The following CFAP221 variants were observed in gnomAD, a reference collection of about 807,000 sequenced individuals.
CFAP221 encodes the protein cilia- and flagella-associated protein 221.
CFAP221 carries 97 observed loss-of-function variants against 113.1 expected under a neutral mutation model. The observed-to-expected ratio is 0.86, with a 90% CI of 0.73 to 1.02. CFAP221 has a LOEUF of 1.02. Among genes scored for constraint, CFAP221 ranks in the 50% least tolerant of loss-of-function variants. The probability of loss-of-function intolerance (pLI) is 0.00; values close to 1 mark genes in which losing one functional copy is unlikely to be tolerated. For synonymous variants in CFAP221, 331 were observed against 354.4 expected (o/e 0.93, Z 0.74); for missense variants, 1,025 against 1,013.4 (o/e 1.01, Z -0.16).
chr2:119,601,177 A>G, intron 7 of CFAP221, 41 bp from the exon 8 acceptor site: 2 of 1,463,548 alleles, frequency 1.4e-6, no homozygotes, highest in South Asian at 2.8e-5. Flanking sequence ...GGACTTGGCA[A>G]GAAGAGAGGG....
At chr2:119,608,853 T>C (rs34210676) in intron 12 of CFAP221, among the ~76,000 whole-genome samples, 3,889 of 152,274 alleles carry the variant, frequency 0.026, 75 homozygotes, top group Non-Finnish European at 0.037. Flanking sequence ...TATAATTTTT[T>C]GAAAAGTAGC....
chr2:119,604,327 G>A (rs1436672230), intron 8 of CFAP221, among the ~76,000 whole-genome samples: 8 of 152,026 alleles, frequency 5.3e-5, no homozygotes, highest in South Asian at 4.1e-4. Flanking sequence ...CCAGGTATGC[G>A]GGAGGCTGAG....
intron 20 of CFAP221, among the ~76,000 whole-genome samples, chr2:119,639,123 A>C (rs1224617254): frequency 6.6e-6 from 1 of 152,142 alleles, no homozygotes; most frequent in Non-Finnish European, 1.5e-5. Context: ...ACTGATGTGC[A>C]GACCTCCCTC....
intron 12 of CFAP221, among the ~76,000 whole-genome samples, chr2:119,609,986 A>G (rs948775317): frequency 6.6e-6 from 1 of 152,218 alleles, no homozygotes; most frequent in Non-Finnish European, 1.5e-5. Flanking sequence ...CACATATTAG[A>G]TGTGCATTTA....
chr2:119,611,561 C>T, intron 12 of CFAP221, 92 bp from the exon 13 acceptor site: 1 of 1,114,980 alleles, frequency 9.0e-7, no homozygotes, highest in Admixed American at 2.3e-5. Flanking sequence ...GTGGATTTGG[C>T]CAATTGCTTA....
rs1171012383 is a variant in CFAP221, at chr2:119,560,018, C to T, written c.418C>T (p.His140Tyr). 1 of 1,381,042 alleles carries T rather than the reference C, an allele frequency of 7.2e-7. No individual in the cohort carries two copies. Among genetic ancestry groups the T allele is most frequent in the South Asian group, 1.2e-5 (1 of 80,808 alleles). 85.5% of individuals were successfully genotyped at this position (1,381,042 alleles called of 1,614,324 possible). A position where few individuals can be genotyped will look rare whatever the true frequency, so the allele number is the denominator to read the frequency against. The change falls in exon 5 of 24, where the codon CAC (histidine) becomes TAC (tyrosine). Residue 140 changes from histidine (H) to tyrosine (Y), a missense_variant. Coordinates refer to ENST00000413369, the MANE Select transcript of CFAP221 (RefSeq NM_001271049.2). ...ATACTATTATGACTGCATCCGTGTT[C>T]ACTGTAAGGTAGGTCTCTTAAAATT... Reference protein sequence around the residue: ...WRYYYDCIRVHCKGDDTLLVP... With the variant: ...WRYYYDCIRVYCKGDDTLLVP...
intron 21 of CFAP221, among the ~76,000 whole-genome samples, chr2:119,645,091 CT>C (rs1172202047): frequency 3.0e-5 from 4 of 134,090 alleles, no homozygotes; most frequent in Non-Finnish European, 6.1e-5. Context: ...TCTTTCTTTT[CT>C]CATTCCTTTA....
chr2:119,582,369 A>T (rs1440604817), intron 6 of CFAP221, among the ~76,000 whole-genome samples: 1 of 152,152 alleles, frequency 6.6e-6, no homozygotes, highest in African/African-American at 2.4e-5. Flanking sequence ...TTCAATAGGC[A>T]GGTAGGGCTG....
At chr2:119,586,936 T>C (rs1257059541) in intron 6 of CFAP221, 183 bp from the exon 7 acceptor site, 2 of 451,588 alleles carry the variant, frequency 4.4e-6, no homozygotes, top group Non-Finnish European at 7.7e-6. Context: ...CACCACCTCA[T>C]AGGATTAAAA....
chr2:119,659,036 A>T (rs1422972617), downstream of CFAP221, among the ~76,000 whole-genome samples: 1 of 150,172 alleles, frequency 6.7e-6, no homozygotes, highest in Non-Finnish European at 1.5e-5. Flanking sequence ...ATTGATACTG[A>T]TGCTTCCAAT....
rs1361245327 is a variant in CFAP221 at position 119,544,459 on chromosome 2, G to A, written c.-99G>A. On this transcript the variant is annotated 5_prime_UTR_variant, in exon 1 of 24. Coordinates refer to ENST00000413369, the MANE Select transcript of CFAP221 (RefSeq NM_001271049.2). Reference sequence around the variant, plus strand: ...CCGCGTCGTCATGGCGACGCTCCGAGCGGGCGCCGGCGCTGGCGCCGGCCG... The same window carrying A: ...CCGCGTCGTCATGGCGACGCTCCGAACGGGCGCCGGCGCTGGCGCCGGCCG... 2 of 151,884 alleles carry A rather than the reference G, an allele frequency of 1.3e-5. No individual in the cohort carries two copies. The highest frequency in any genetic ancestry group is 6.6e-5 in the Admixed American group (1 of 15,236). The allele number at this position is 151,884 out of a possible 1,614,324, so 9.4% of individuals were successfully genotyped here. A position where few individuals can be genotyped will look rare whatever the true frequency, so the allele number is the denominator to read the frequency against.
At chr2:119,638,622 T>G (rs1349033704) in intron 20 of CFAP221, among the ~76,000 whole-genome samples, 1 of 152,158 alleles carries the variant, frequency 6.6e-6, no homozygotes, top group East Asian at 1.9e-4. Flanking sequence ...CACACCTGCC[T>G]CTCGGGCTGC....
At chr2:119,559,841 T>G (rs1475947495) in intron 4 of CFAP221, 66 bp downstream of exon 4, 3 of 1,466,468 alleles carry the variant, frequency 2.0e-6, no homozygotes, top group East Asian at 4.9e-5. Context: ...CTGTGTGGGG[T>G]GGGGGGTGTG....
In CFAP221 at chr2:119,572,514, C is replaced by G; in HGVS notation, c.527+10400C>G. On this transcript the variant is annotated intron_variant, in intron 6 of 23. Transcript: ENST00000413369. ...CCATTCCCATGGTTCTAAAAAGATTCATGTTAATTCATCATGCTCTGTAGT... is the reference window on the plus strand; with the variant it reads ...CCATTCCCATGGTTCTAAAAAGATTGATGTTAATTCATCATGCTCTGTAGT... 5 of 688,594 alleles carry G rather than the reference C, an allele frequency of 7.3e-6. No individual in the cohort carries two copies. In the East Asian group the frequency reaches 1.3e-4, roughly 19 times the overall value. The allele number at this position is 688,594 out of a possible 1,614,324, so 42.7% of individuals were successfully genotyped here. A position where few individuals can be genotyped will look rare whatever the true frequency, so the allele number is the denominator to read the frequency against.
At chr2:119,549,259 C>T (rs748902811) in intron 3 of CFAP221, 74 bp downstream of exon 3, 11 of 1,202,192 alleles carry the variant, frequency 9.1e-6, no homozygotes, top group African/African-American at 3.1e-5. Context: ...ATATTATTCA[C>T]TTATCTAAAG....
chr2:119,657,849 G>A (rs767950130), downstream of CFAP221, among the ~76,000 whole-genome samples: 2 of 152,186 alleles, frequency 1.3e-5, no homozygotes, highest in Non-Finnish European at 2.9e-5. Flanking sequence ...GTGAGGTTAT[G>A]CATTTTTGCA....
At position 119,605,244 on chromosome 2, in the gene CFAP221, AAGTC is replaced by A. The variant is rs1469087545; in HGVS notation, c.1091_1094del (p.Val364AspfsTer44). On this transcript the variant is annotated frameshift_variant, in exon 11 of 24. Transcript: ENST00000413369. LOFTEE classifies it high-confidence loss of function. ...ATGAAGGAGGCACTCTTTGAACAGA[AAGTC>A]AGACAGGACATTCACGAAGAGATGG... 2 of 1,614,108 alleles carry A rather than the reference AAGTC, an allele frequency of 1.2e-6. No individual in the cohort carries two copies. The highest frequency in any genetic ancestry group is 1.1e-5 in the South Asian group (1 of 91,086).
intron 21 of CFAP221, among the ~76,000 whole-genome samples, chr2:119,642,587 G>A (rs1285320295): frequency 7.0e-6 from 1 of 143,032 alleles, no homozygotes; most frequent in Non-Finnish European, 1.5e-5. Flanking sequence ...CTTCCACGCT[G>A]GAGTGCAGTG....
At chr2:119,589,222 C>A (rs1318016353) in intron 7 of CFAP221, among the ~76,000 whole-genome samples, 1 of 152,206 alleles carries the variant, frequency 6.6e-6, no homozygotes, top group Non-Finnish European at 1.5e-5. Flanking sequence ...GGTTTGGTTT[C>A]CCACTTTGAT....
Sources: gnomAD v4.1 joint callset for allele counts (sites outside exome capture counted in the v4.1 genomes callset) on GRCh38, gnomAD v4.1.1 for gene constraint, MANE v1.5 for transcripts, NCBI Gene and HGNC (gene_info 2026-07-23, HGNC 2026-07-21) for gene names.